GABRB2: variants seen among roughly 807,000 people sequenced by gnomAD.
GABRB2 encodes the protein gamma-aminobutyric acid receptor subunit beta-2.
A neutral mutation model predicts 54.7 loss-of-function variants in GABRB2; 16 were observed. The ratio of observed to expected loss-of-function variants is 0.29; its 90% CI spans 0.20 to 0.44. GABRB2 has a LOEUF of 0.44. Ranked by LOEUF, GABRB2 falls within the 20% of genes least tolerant of loss-of-function variation. The pLI, the probability that GABRB2 is intolerant of heterozygous loss-of-function variation, is 1.00. For missense variants in GABRB2, 355 were observed against 644.0 expected (o/e 0.55, Z 4.86); for synonymous variants, 244 against 233.8 (o/e 1.04, Z -0.40).
At chr5:161,436,867 G>A (rs180794106) in intron 4 of GABRB2, among the ~76,000 whole-genome samples, 68 of 152,228 alleles carry the variant, frequency 4.5e-4, no homozygotes, top group African/African-American at 1.6e-3. Flanking sequence ...ACCGAATTCA[G>A]TGCTGTCCTG....
At chr5:161,341,350 C>T (rs1754150727) in intron 5 of GABRB2, among the ~76,000 whole-genome samples, 1 of 151,768 alleles carries the variant, frequency 6.6e-6, no homozygotes, top group African/African-American at 2.4e-5. Context: ...TGCACTGAAG[C>T]ACTTCGTTAA....
At chr5:161,314,736 C>CTCCT (rs756869975) in intron 9 of GABRB2, among the ~76,000 whole-genome samples, 10 of 151,892 alleles carry the variant, frequency 6.6e-5, no homozygotes, top group African/African-American at 1.2e-4. Flanking sequence ...CTTTCCCTCC[C>CTCCT]TCCTTCCTTC....
chr5:161,363,934 A>T (rs1754898261), intron 5 of GABRB2, among the ~76,000 whole-genome samples: 1 of 152,332 alleles, frequency 6.6e-6, no homozygotes, highest in Admixed American at 6.5e-5. Flanking sequence ...TTTTGTTTAT[A>T]ATTTTAACAA....
chr5:161,424,128 C>G (rs990332497), intron 4 of GABRB2, among the ~76,000 whole-genome samples: 9 of 152,106 alleles, frequency 5.9e-5, no homozygotes, highest in Non-Finnish European at 1.0e-4. Flanking sequence ...AAGAAGGCAT[C>G]TCCATAACAT....
At chr5:161,469,342 C>T (rs1028684142) in intron 3 of GABRB2, among the ~76,000 whole-genome samples, 1 of 151,782 alleles carries the variant, frequency 6.6e-6, no homozygotes, top group Non-Finnish European at 1.5e-5. Context: ...TACCTTTAGG[C>T]TTGTTATTAA....
chr5:161,296,049 C>G (rs1362904404), intron 9 of GABRB2, among the ~76,000 whole-genome samples: 1 of 152,202 alleles, frequency 6.6e-6, no homozygotes, highest in East Asian at 1.9e-4. Context: ...ATGCTCACAA[C>G]ATTCCTTGGA....
intron 5 of GABRB2, among the ~76,000 whole-genome samples, chr5:161,376,574 C>A (rs570115536): frequency 6.6e-6 from 1 of 152,182 alleles, no homozygotes; most frequent in East Asian, 1.9e-4. Context: ...GTTTCATGTG[C>A]TGTTCATGTA....
At chr5:161,353,320 T>C (rs928346619) in intron 5 of GABRB2, among the ~76,000 whole-genome samples, 1 of 152,050 alleles carries the variant, frequency 6.6e-6, no homozygotes, top group Non-Finnish European at 1.5e-5. Context: ...TAAAGTAATA[T>C]ACCTCCTGTT....
rs189678057 is a variant in GABRB2 at position 161,404,396 on chromosome 5, C to T, written c.541+6579G>A. On this transcript the variant is annotated intron_variant, in intron 5 of 9. Coordinates refer to ENST00000393959, the MANE Select transcript of GABRB2 (RefSeq NM_001371727.1). ...ATAACTAAGCCTCACTGTAGTTTTA[C>T]AGCAGTATTTTTCTAATTTAAAATA... Among the ~76,000 whole-genome samples, 22 of 152,028 alleles carry T rather than the reference C, an allele frequency of 1.4e-4. No individual in the cohort carries two copies. In the East Asian group the frequency reaches 2.7e-3, roughly 19 times the overall value.
At chr5:161,407,109 C>A (rs1756369442) in intron 5 of GABRB2, among the ~76,000 whole-genome samples, 1 of 152,062 alleles carries the variant, frequency 6.6e-6, no homozygotes, top group Non-Finnish European at 1.5e-5. Flanking sequence ...ATTCCTTCTT[C>A]CTTTTCAGAC....
At chr5:161,464,918 G>A (rs1181214419) in intron 3 of GABRB2, among the ~76,000 whole-genome samples, 1 of 152,112 alleles carries the variant, frequency 6.6e-6, no homozygotes, top group Non-Finnish European at 1.5e-5. Context: ...CAAAGGGCAA[G>A]CATGAGAGAC....
At chr5:161,462,914 T>C (rs1758155117) in intron 3 of GABRB2, among the ~76,000 whole-genome samples, 1 of 152,124 alleles carries the variant, frequency 6.6e-6, no homozygotes, top group Non-Finnish European at 1.5e-5. Context: ...ATAAATCCTT[T>C]GCACTTTAAT....
In GABRB2 at chr5:161,291,808, A is replaced by T. The variant is rs1757245056; in HGVS notation, c.*2273T>A. 6.6e-6 allele frequency: 1 copy of T among 152,554 alleles called. No individual in the cohort carries two copies. Among genetic ancestry groups the T allele is most frequent in the Admixed American group, 6.6e-5 (1 of 15,258 alleles). The allele number at this position is 152,554 out of a possible 1,614,324, so 9.5% of individuals were successfully genotyped here. A position where few individuals can be genotyped will look rare whatever the true frequency, so the allele number is the denominator to read the frequency against. On this transcript the variant is annotated 3_prime_UTR_variant, in exon 10 of 10. Coordinates refer to ENST00000393959, the MANE Select transcript of GABRB2 (RefSeq NM_001371727.1). Reference sequence around the variant, plus strand: ...CACTTGGGCTCTGAGTTGACTCTAGAAGAGCCTTTTCAGAATGGCATTTTG... The same window carrying T: ...CACTTGGGCTCTGAGTTGACTCTAGTAGAGCCTTTTCAGAATGGCATTTTG...
intron 5 of GABRB2, among the ~76,000 whole-genome samples, chr5:161,398,823 G>A (rs1756086756): frequency 6.6e-6 from 1 of 152,122 alleles, no homozygotes; most frequent in Non-Finnish European, 1.5e-5. Context: ...CTGAGTTGCT[G>A]GGACTACAGG....
At chr5:161,312,114 T>C (rs1481217405) in intron 9 of GABRB2, among the ~76,000 whole-genome samples, 1 of 152,136 alleles carries the variant, frequency 6.6e-6, no homozygotes, top group Non-Finnish European at 1.5e-5. Flanking sequence ...GTCTAAGATG[T>C]AGAGGGAACT....
chr5:161,422,421 A>T (rs1756878242), intron 4 of GABRB2, among the ~76,000 whole-genome samples: 1 of 152,142 alleles, frequency 6.6e-6, no homozygotes, highest in Non-Finnish European at 1.5e-5. Flanking sequence ...TGATATAATA[A>T]AAAACACTTT....
In GABRB2 at chr5:161,443,466, C is replaced by A. The variant is rs532539602; in HGVS notation, c.458+16158G>T. On this transcript the variant is annotated intron_variant, in intron 4 of 9. Transcript: ENST00000393959. ...TATAGCCTCTTCCTTGTCTAAGATG[C>A]GTGAGATTTTCACAATAAAATAAAT... Among the ~76,000 whole-genome samples the A allele has an allele frequency of 2.6e-5, 4 of 152,210 alleles. No individual in the cohort carries two copies. In the South Asian group the frequency reaches 8.3e-4, roughly 32 times the overall value.
intron 3 of GABRB2, among the ~76,000 whole-genome samples, chr5:161,528,984 A>G (rs1760370805): frequency 6.6e-6 from 1 of 151,906 alleles, no homozygotes; most frequent in African/African-American, 2.4e-5. Context: ...AACATGTATG[A>G]CATGAAGGGC....
intron 5 of GABRB2, among the ~76,000 whole-genome samples, chr5:161,371,115 C>G (rs932241997): frequency 1.3e-5 from 2 of 152,082 alleles, no homozygotes; most frequent in Non-Finnish European, 2.9e-5. Flanking sequence ...TTGCCTCCAA[C>G]CCCCTCTCTG....
Sources: gnomAD v4.1 joint callset for allele counts (sites outside exome capture counted in the v4.1 genomes callset) on GRCh38, gnomAD v4.1.1 for gene constraint, MANE v1.5 for transcripts, NCBI Gene and HGNC (gene_info 2026-07-23, HGNC 2026-07-21) for gene names.